PHACTR3: variants seen among roughly 807,000 people sequenced by gnomAD.
The protein encoded by PHACTR3 is phosphatase and actin regulator 3, also known as protein phosphatase 1, regulatory subunit 123.
Under a neutral mutation model 66.8 loss-of-function variants are expected in PHACTR3, and 16 were observed. The observed-to-expected ratio is 0.24, with a 90% CI of 0.16 to 0.36. The LOEUF is 0.36. PHACTR3 is among the 10% of genes least tolerant of loss of function. PHACTR3 has a pLI of 1.00. For missense variants in PHACTR3, 647 were observed against 719.9 expected (o/e 0.90, Z 1.16); for synonymous variants, 323 against 292.1 (o/e 1.11, Z -1.08).
intron 5 of PHACTR3, among the ~76,000 whole-genome samples, chr20:59,770,226 G>A (rs574830302): frequency 2.0e-5 from 3 of 152,352 alleles, no homozygotes; most frequent in East Asian, 1.9e-4. Flanking sequence ...ACACTTATGC[G>A]TTTCCATAGG....
chr20:59,641,242 A>G lies in PHACTR3; in HGVS notation c.118+36110A>G, dbSNP rs577190060. On this transcript the variant is annotated intron_variant, in intron 1 of 12. Transcript: ENST00000371015. ...CATCCATGTATGTATGCATGTATGT[A>G]TGTCTCTCTCTCTCTATCATTTTCA... Among the ~76,000 whole-genome samples, 4 of 152,156 alleles carry G rather than the reference A, an allele frequency of 2.6e-5. No individual in the cohort carries two copies. In the East Asian group the frequency reaches 5.8e-4, roughly 22 times the overall value.
At chr20:59,593,500 T>A (rs879098411) in intron 1 of PHACTR3, among the ~76,000 whole-genome samples, 1 of 152,002 alleles carries the variant, frequency 6.6e-6, no homozygotes, top group Admixed American at 6.6e-5. Context: ...CTTTTTTTTT[T>A]AATGAAGTCC....
intron 3 of PHACTR3, among the ~76,000 whole-genome samples, chr20:59,753,279 G>A (rs748654630): frequency 1.2e-4 from 19 of 152,168 alleles, no homozygotes; most frequent in Admixed American, 9.8e-4. Context: ...GGCAACTGAC[G>A]CGGCTGCATG....
chr20:59,635,169 C>CTTTCTTT lies in PHACTR3; in HGVS notation c.118+30037_118+30038insTTTCTTT, dbSNP rs1555881178. ...TTTCTTTTTCTTTCTTTCTTTCTTT[C>CTTTCTTT]CTTTCTTTCTTTCTTTCTTTCTTTC... On this transcript the variant is annotated intron_variant, in intron 1 of 12. Coordinates refer to ENST00000371015, the MANE Select transcript of PHACTR3 (RefSeq NM_080672.5). 9.2e-4 allele frequency among the ~76,000 whole-genome samples: 51 copies of CTTTCTTT among 55,374 alleles called. 4 individuals are homozygous for CTTTCTTT. Among genetic ancestry groups the CTTTCTTT allele is most frequent in the African/African-American group, 3.6e-3 (49 of 13,442 alleles). 36.3% of individuals were successfully genotyped at this position (55,374 alleles called of 152,430 possible). A position where few individuals can be genotyped will look rare whatever the true frequency, so the allele number is the denominator to read the frequency against.
intron 1 of PHACTR3, among the ~76,000 whole-genome samples, chr20:59,649,022 A>G (rs1191583268): frequency 6.6e-6 from 1 of 152,206 alleles, no homozygotes; most frequent in Non-Finnish European, 1.5e-5. Flanking sequence ...CATCTAGATC[A>G]GCGTTGTTGA....
intron 1 of PHACTR3, among the ~76,000 whole-genome samples, chr20:59,585,751 G>T (rs963892316): frequency 6.6e-6 from 1 of 152,230 alleles, no homozygotes; most frequent in Non-Finnish European, 1.5e-5. Flanking sequence ...CTCCTCACCC[G>T]CGTGCAGAGG....
intron 1 of PHACTR3, among the ~76,000 whole-genome samples, chr20:59,664,967 C>A (rs947149247): frequency 5.9e-5 from 9 of 152,340 alleles, no homozygotes; most frequent in African/African-American, 2.2e-4. Flanking sequence ...TGGAATTAGG[C>A]ACTTGCTCTT....
intron 7 of PHACTR3, among the ~76,000 whole-genome samples, chr20:59,785,110 C>T (rs983493279): frequency 7.2e-5 from 11 of 152,188 alleles, no homozygotes; most frequent in East Asian, 1.9e-4. Context: ...GAGTCAGCTC[C>T]AGCTGCCGTA....
chr20:59,834,534 A>C (rs1442663266), intron 8 of PHACTR3, among the ~76,000 whole-genome samples: 1 of 152,182 alleles, frequency 6.6e-6, no homozygotes, highest in African/African-American at 2.4e-5. Flanking sequence ...CTGCTGTACC[A>C]AGTGGATTCT....
chr20:59,645,695 T>C (rs1407026), intron 1 of PHACTR3, among the ~76,000 whole-genome samples: 2,376 of 152,294 alleles, frequency 0.016, 26 homozygotes, highest in Middle Eastern at 0.041. Flanking sequence ...CGTGTGTGTG[T>C]GTGCATATCC....
chr20:59,636,189 T>G (rs2034896386), intron 1 of PHACTR3, among the ~76,000 whole-genome samples: 2 of 152,232 alleles, frequency 1.3e-5, no homozygotes, highest in African/African-American at 4.8e-5. Context: ...CTCTGGTCAT[T>G]TCTCTTGCTT....
intron 7 of PHACTR3, among the ~76,000 whole-genome samples, chr20:59,789,258 A>G (rs1213142939): frequency 1.3e-5 from 2 of 151,994 alleles, no homozygotes; most frequent in Non-Finnish European, 2.9e-5. Context: ...CAGAGACTGG[A>G]GTCTGGGCTA....
intron 1 of PHACTR3, among the ~76,000 whole-genome samples, chr20:59,720,372 GGCA>G (rs2038248943): frequency 6.6e-6 from 1 of 152,216 alleles, no homozygotes; most frequent in African/African-American, 2.4e-5. Context: ...AACTCAGACA[GGCA>G]GAGGCCACGG....
chr20:59,752,935 C>T (rs758146948), intron 3 of PHACTR3, among the ~76,000 whole-genome samples: 5 of 152,090 alleles, frequency 3.3e-5, no homozygotes, highest in South Asian at 2.1e-4. Flanking sequence ...TGTGCTGTCA[C>T]GGTTGCACGT....
Position 59,767,232 on chromosome 20 carries a change from C to G in PHACTR3, c.588C>G (p.Ser196Arg). 1 of 1,614,262 alleles carries G rather than the reference C, an allele frequency of 6.2e-7. No individual in the cohort carries two copies. The highest frequency in any genetic ancestry group is 8.5e-7 in the Non-Finnish European group (1 of 1,180,044). Residue 196 changes from serine to arginine, a missense_variant, in exon 5 of 13, where the codon AGC becomes AGG. Around this residue, in one of 2 missense-constraint regions of PHACTR3, gnomAD observed 577 missense variants for 571.1 expected, o/e 1.01. Transcript: ENST00000371015. ...GTGGTGAAGAAGCAGACGCTGGCAG[C>G]CTCCTGCCCACCACCAATGAGCTCT... ...ASSGEEADAG[S>R]LLPTTNELSQ... is the part of the protein sequence containing the mutation.
intron 1 of PHACTR3, among the ~76,000 whole-genome samples, chr20:59,730,527 G>C (rs935197464): frequency 2.0e-5 from 3 of 152,134 alleles, no homozygotes; most frequent in African/African-American, 7.2e-5. Flanking sequence ...GGCAGGAGTG[G>C]AAGCGGGAAA....
intron 1 of PHACTR3, among the ~76,000 whole-genome samples, chr20:59,720,980 C>T (rs1325516722): frequency 6.6e-6 from 1 of 152,062 alleles, no homozygotes; most frequent in African/African-American, 2.4e-5. Flanking sequence ...CGTGGTACAC[C>T]ACGGTGCTTA....
intron 1 of PHACTR3, among the ~76,000 whole-genome samples, chr20:59,739,339 T>C (rs1366757204): frequency 6.6e-6 from 1 of 152,128 alleles, no homozygotes; most frequent in African/African-American, 2.4e-5. Flanking sequence ...AGTTAACACT[T>C]GTATTAGTCC....
intron 1 of PHACTR3, among the ~76,000 whole-genome samples, chr20:59,667,979 G>T (rs146297736): frequency 2.8e-4 from 43 of 152,342 alleles, no homozygotes; most frequent in African/African-American, 9.4e-4. Flanking sequence ...AACCACAGTT[G>T]CTTTTGTTAG....
Sources: allele counts gnomAD v4.1 joint callset (sites outside exome capture counted in the v4.1 genomes callset), GRCh38; gene constraint gnomAD v4.1.1; regional missense constraint gnomAD v4.1.1; transcripts MANE v1.5; gene names NCBI Gene and HGNC (gene_info 2026-07-23, HGNC 2026-07-21).